The following AGBL4 variants were observed in gnomAD, a reference collection of about 807,000 sequenced individuals.
AGBL4 encodes the protein AGBL carboxypeptidase 4, also known as cytosolic carboxypeptidase 6.
A neutral mutation model predicts 66.4 loss-of-function variants in AGBL4; 58 were observed. That is an observed-to-expected ratio of 0.87 (90% CI 0.71 to 1.09). The LOEUF (loss-of-function observed/expected upper bound fraction) is 1.09. Ranked by LOEUF, AGBL4 falls within the 50% of genes least tolerant of loss-of-function variation. The pLI is 0.00. For missense variants in AGBL4, 579 were observed against 631.0 expected, an observed-to-expected ratio of 0.92 and a Z score of 0.88; for synonymous variants, 234 against 222.9, an observed-to-expected ratio of 1.05 and a Z score of -0.44.
chr1:49,958,214 T>C lies in AGBL4; in HGVS notation c.34+65549A>G, dbSNP rs12725365. Among the ~76,000 whole-genome samples the C allele has an allele frequency of 7.9e-3, 1,207 of 152,206 alleles. 7 individuals carry two copies. The highest frequency in any genetic ancestry group is 0.012 in the Non-Finnish European group (782 of 67,974). ...CCAGTCTCTTCTGGCTTGTAGAGTT[T>C]CTGCCAAGAAATCTGCTATTAGTCT... On this transcript the variant is annotated intron_variant, in intron 1 of 13. Transcript: ENST00000371839.
At chr1:49,266,970 G>A (rs1250698613) in intron 3 of AGBL4, among the ~76,000 whole-genome samples, 21 of 152,188 alleles carry the variant, frequency 1.4e-4, no homozygotes, top group Admixed American at 1.4e-3. Flanking sequence ...ACTGGTCTCT[G>A]TAGAGTCAGC....
chr1:49,614,835 T>G (rs1305849282), intron 3 of AGBL4, among the ~76,000 whole-genome samples: 1 of 152,164 alleles, frequency 6.6e-6, no homozygotes, highest in African/African-American at 2.4e-5. Flanking sequence ...CTGTTTTATA[T>G]TACATTTTTT....
intron 1 of AGBL4, among the ~76,000 whole-genome samples, chr1:49,977,630 T>C (rs1571997683): frequency 6.6e-6 from 1 of 152,246 alleles, no homozygotes; most frequent in Non-Finnish European, 1.5e-5. Context: ...TCACCTTCCA[T>C]CAATTGCTTT....
At chr1:49,264,390 A>T (rs1316079477) in intron 3 of AGBL4, among the ~76,000 whole-genome samples, 3 of 152,202 alleles carry the variant, frequency 2.0e-5, no homozygotes, top group Non-Finnish European at 4.4e-5. Flanking sequence ...CCAAACGGTT[A>T]GCAAGTTGTG....
At chr1:49,669,922 A>G (rs889426936) in intron 3 of AGBL4, among the ~76,000 whole-genome samples, 34 of 152,258 alleles carry the variant, frequency 2.2e-4, no homozygotes, top group African/African-American at 7.7e-4. Context: ...GAAGAGCACA[A>G]GATAAAGAAA....
intron 3 of AGBL4, among the ~76,000 whole-genome samples, chr1:49,358,998 G>A (rs569761865): frequency 1.3e-5 from 2 of 152,258 alleles, no homozygotes; most frequent in South Asian, 4.1e-4. Flanking sequence ...TGAGAACAAG[G>A]TCTTGTTTTA....
chr1:48,863,931 T>A (rs1374759924), intron 6 of AGBL4, among the ~76,000 whole-genome samples: 1 of 151,920 alleles, frequency 6.6e-6, no homozygotes, highest in Non-Finnish European at 1.5e-5. Context: ...AAACAAGAGA[T>A]CGATAAATTC....
intron 6 of AGBL4, chr1:48,777,096 T>G: frequency 5.3e-6 from 2 of 379,022 alleles, no homozygotes; most frequent in Non-Finnish European, 9.3e-6. Context: ...GCACTGCCAC[T>G]TGCAAAGTCA....
At chr1:49,816,303 C>A (rs1645229173) in intron 2 of AGBL4, among the ~76,000 whole-genome samples, 1 of 152,110 alleles carries the variant, frequency 6.6e-6, no homozygotes, top group Non-Finnish European at 1.5e-5. Flanking sequence ...GTGGCCCCAG[C>A]AAGATAGCCA....
At chr1:48,729,283 A>C (rs936747213) in intron 6 of AGBL4, among the ~76,000 whole-genome samples, 1 of 152,232 alleles carries the variant, frequency 6.6e-6, no homozygotes, top group Non-Finnish European at 1.5e-5. Flanking sequence ...ACATATGTTA[A>C]ATAACTGAAT....
intron 6 of AGBL4, among the ~76,000 whole-genome samples, chr1:48,751,238 T>C (rs1183859011): frequency 2.0e-5 from 3 of 152,262 alleles, no homozygotes; most frequent in Non-Finnish European, 2.9e-5. Context: ...TATGAAGACA[T>C]GGTGGGCTTT....
chr1:49,195,651 G>T (rs1647218601), intron 4 of AGBL4, among the ~76,000 whole-genome samples: 1 of 152,112 alleles, frequency 6.6e-6, no homozygotes, highest in Non-Finnish European at 1.5e-5. Flanking sequence ...ATTTTGCAAT[G>T]TATTTTCCGG....
chr1:49,014,283 G>A (rs1662656782), intron 5 of AGBL4, among the ~76,000 whole-genome samples: 3 of 152,204 alleles, frequency 2.0e-5, no homozygotes, highest in Admixed American at 1.3e-4. Flanking sequence ...TGGTGAGACA[G>A]GGCATTCCAG....
intron 3 of AGBL4, among the ~76,000 whole-genome samples, chr1:49,442,751 TTTTC>T (rs1384132060): frequency 1.2e-4 from 18 of 152,332 alleles, no homozygotes; most frequent in Non-Finnish European, 5.9e-5. Context: ...TATTTATTTC[TTTTC>T]TTTTGGGTAG....
At chr1:49,383,653 A>T (rs1241565495) in intron 3 of AGBL4, among the ~76,000 whole-genome samples, 3 of 152,166 alleles carry the variant, frequency 2.0e-5, no homozygotes, top group African/African-American at 7.2e-5. Flanking sequence ...ACTCAAAATG[A>T]ATTAAAGATC....
At chr1:49,238,752 GC>G (rs1650985611) in intron 4 of AGBL4, among the ~76,000 whole-genome samples, 2 of 152,150 alleles carry the variant, frequency 1.3e-5, no homozygotes, top group African/African-American at 2.4e-5. Context: ...ATGCTAGACT[GC>G]CCTTTTTCTG....
intron 5 of AGBL4, among the ~76,000 whole-genome samples, chr1:48,886,648 G>A (rs568271192): frequency 8.5e-5 from 13 of 152,160 alleles, no homozygotes; most frequent in African/African-American, 3.1e-4. Context: ...TGCCTCCTGG[G>A]TGCACGCTAT....
At chr1:49,476,567 T>C (rs1646849877) in intron 3 of AGBL4, among the ~76,000 whole-genome samples, 1 of 152,080 alleles carries the variant, frequency 6.6e-6, no homozygotes, top group Non-Finnish European at 1.5e-5. Context: ...AAGTACTTGA[T>C]TTTTGAATCT....
chr1:50,023,732 A>G, intron 1 of AGBL4, 31 bp downstream of exon 1: 1 of 1,543,866 alleles, frequency 6.5e-7, no homozygotes, highest in Non-Finnish European at 8.7e-7. Flanking sequence ...TGGCCGCCTC[A>G]GCCTTCCCCA....
Sources: allele counts gnomAD v4.1 joint callset (sites outside exome capture counted in the v4.1 genomes callset), GRCh38; gene constraint gnomAD v4.1.1; transcripts MANE v1.5; gene names NCBI Gene and HGNC (gene_info 2026-07-23, HGNC 2026-07-21).